The following TTLL5 variants were observed in gnomAD, a reference collection of about 807,000 sequenced individuals.
The protein encoded by TTLL5 is tubulin tyrosine ligase like 5.
TTLL5 carries 132 observed loss-of-function variants against 168.4 expected under a neutral mutation model. The ratio of observed to expected loss-of-function variants is 0.78; its 90% CI spans 0.68 to 0.91. TTLL5 has a LOEUF of 0.91. TTLL5 is among the 40% of genes least tolerant of loss of function. The pLI, the probability that TTLL5 is intolerant of heterozygous loss-of-function variation, is 0.00. For synonymous variants in TTLL5, 546 were observed against 558.6 expected, an observed-to-expected ratio of 0.98 and a Z score of 0.32; for missense variants, 1,545 against 1,581.5, an observed-to-expected ratio of 0.98 and a Z score of 0.39.
intron 28 of TTLL5, among the ~76,000 whole-genome samples, chr14:75,861,521 T>G (rs370369675): frequency 4.7e-4 from 71 of 152,312 alleles, no homozygotes; most frequent in African/African-American, 1.6e-3. Flanking sequence ...TAGCCTCACT[T>G]CAGGGTTCCT....
intron 15 of TTLL5, 33 bp from the exon 16 acceptor site, chr14:75,745,061 AT>A: frequency 3.8e-6 from 6 of 1,581,530 alleles, no homozygotes; most frequent in South Asian, 2.3e-5. Context: ...AACTTAAAAA[AT>A]TTTTTTTACT....
chr14:75,875,655 A>G (rs759788573), intron 29 of TTLL5, among the ~76,000 whole-genome samples: 1 of 152,242 alleles, frequency 6.6e-6, no homozygotes, highest in Non-Finnish European at 1.5e-5. Context: ...GAAGTATAAT[A>G]AACCATAGTA....
At chr14:75,717,422 A>C (rs1797819776) in intron 9 of TTLL5, among the ~76,000 whole-genome samples, 1 of 152,076 alleles carries the variant, frequency 6.6e-6, no homozygotes, top group African/African-American at 2.4e-5. Context: ...GCCAGTTGTT[A>C]TTTCTGGACC....
At chr14:75,684,333 T>A (rs532042654) in intron 5 of TTLL5, 2 of 152,328 alleles carry the variant, frequency 1.3e-5, no homozygotes, top group South Asian at 4.1e-4. Context: ...CTTAGTCTGG[T>A]ATATTGTCCT....
intron 3 of TTLL5, among the ~76,000 whole-genome samples, chr14:75,672,739 G>A (rs186642956): frequency 6.6e-4 from 101 of 152,034 alleles, no homozygotes; most frequent in Middle Eastern, 3.2e-3. Context: ...GGTAGTTTAT[G>A]TGTTTCTAGG....
rs771528588 is a variant in TTLL5, at chr14:75,771,819, A to C, written c.2101A>C (p.Ser701Arg). Residue 701 changes from serine to arginine, a missense_variant, in exon 21 of 32, where the codon AGT (serine) becomes CGT (arginine). By Grantham distance (110) the Ser-to-Arg change is moderately radical (BLOSUM62 -1). Transcript: ENST00000298832. ...GAAAGACAGTGGCGGTCAGACGTTC[A>C]GTGCCAGTTGGGCTGCCAAAGAGGA... ...LMKDSGGQTFSASWAAKEDEQ... is the reference protein window; with the variant it reads ...LMKDSGGQTFRASWAAKEDEQ... The C allele has an allele frequency of 6.2e-7, 1 of 1,614,068 alleles. No individual in the cohort carries two copies. The highest frequency in any genetic ancestry group is 8.5e-7 in the Non-Finnish European group (1 of 1,179,962).
chr14:75,902,575 G>A (rs1293724747), intron 31 of TTLL5: 1 of 471,604 alleles, frequency 2.1e-6, no homozygotes, highest in Non-Finnish European at 4.2e-6. Context: ...ACAGCCCTGT[G>A]AGTTTGATCT....
intron 30 of TTLL5, among the ~76,000 whole-genome samples, chr14:75,898,802 A>G (rs1454316178): frequency 2.0e-5 from 3 of 152,214 alleles, no homozygotes; most frequent in East Asian, 1.9e-4. Flanking sequence ...TAACCTGTCA[A>G]TCTCAAATGT....
chr14:75,813,857 A>G (rs1894218339), intron 27 of TTLL5, among the ~76,000 whole-genome samples: 1 of 151,340 alleles, frequency 6.6e-6, no homozygotes, highest in South Asian at 2.1e-4. Flanking sequence ...ATAGGTTTTC[A>G]ACTATCTCCT....
intron 28 of TTLL5, among the ~76,000 whole-genome samples, chr14:75,835,067 CCAAACAAACAAACAAA>C (rs148388203): frequency 1.3e-5 from 2 of 151,978 alleles, no homozygotes; most frequent in African/African-American, 4.8e-5. Flanking sequence ...GACCCTGTCT[CCAAACAAACAAACAAA>C]CAAACAAACA....
chr14:75,664,936 G>A lies in TTLL5; in HGVS notation c.74+1713G>A, dbSNP rs12588000. On this transcript the variant is annotated intron_variant, in intron 2 of 31. Transcript: ENST00000298832. Reference sequence around the variant, plus strand: ...CTATATGAAACTGCCATTTTGGTAGGTCAGAAACAGTCAAATACTGACGAT... The same window carrying A: ...CTATATGAAACTGCCATTTTGGTAGATCAGAAACAGTCAAATACTGACGAT... Among the ~76,000 whole-genome samples, 692 of 152,278 alleles carry A rather than the reference G, an allele frequency of 4.5e-3. 3 individuals are homozygous for A. The highest frequency in any genetic ancestry group is 0.01 in the East Asian group (53 of 5,194).
intron 15 of TTLL5, chr14:75,737,444 C>G: frequency 1.1e-6 from 1 of 933,834 alleles, no homozygotes; most frequent in Non-Finnish European, 1.6e-6. Flanking sequence ...GTGTAGGGCT[C>G]TTGCTTTTGG....
At chr14:75,948,092 A>G (rs1419293359) in intron 31 of TTLL5, among the ~76,000 whole-genome samples, 2 of 152,210 alleles carry the variant, frequency 1.3e-5, no homozygotes, top group Admixed American at 6.5e-5. Context: ...GCCTTAAATC[A>G]CATTTCAAAC....
intron 20 of TTLL5, among the ~76,000 whole-genome samples, chr14:75,771,224 C>T (rs1157277635): frequency 6.6e-6 from 1 of 152,014 alleles, no homozygotes; most frequent in Non-Finnish European, 1.5e-5. Flanking sequence ...GCCAGGAGTT[C>T]GAGACCAGCC....
At chr14:75,735,842 C>T (rs1196069278) in intron 15 of TTLL5, among the ~76,000 whole-genome samples, 1 of 152,140 alleles carries the variant, frequency 6.6e-6, no homozygotes, top group African/African-American at 2.4e-5. Flanking sequence ...CATTTTTGTT[C>T]CAGTTAAACC....
rs369123219 is a variant in TTLL5 at position 75,699,298 on chromosome 14, T to C, written c.585+28T>C. 3.2e-6 allele frequency: 5 copies of C among 1,577,296 alleles called. No individual in the cohort carries two copies. The African/African-American group carries it at 6.7e-5, about 21-fold the overall frequency. On this transcript the variant is annotated intron_variant, in intron 7 of 31. Coordinates refer to ENST00000298832, the MANE Select transcript of TTLL5 (RefSeq NM_015072.5). ...AAGTATGCAGCAGATGGCAAACCTC[T>C]CTCCTCACTTGTTCTTTCCTCCTTC...
At chr14:75,923,097 T>TTTTATTC (rs1221595990) in intron 31 of TTLL5, among the ~76,000 whole-genome samples, 1 of 152,228 alleles carries the variant, frequency 6.6e-6, no homozygotes, top group Non-Finnish European at 1.5e-5. Flanking sequence ...GTCTTCTCTG[T>TTTTATTC]TTTATTCTTT....
chr14:75,730,514 G>A (rs1343263438), intron 12 of TTLL5, among the ~76,000 whole-genome samples: 1 of 152,156 alleles, frequency 6.6e-6, no homozygotes, highest in Non-Finnish European at 1.5e-5. Flanking sequence ...TAATTACTAT[G>A]GAAGCCAACT....
chr14:75,844,493 T>C (rs746793431), intron 28 of TTLL5, among the ~76,000 whole-genome samples: 5 of 152,214 alleles, frequency 3.3e-5, no homozygotes, highest in Non-Finnish European at 7.3e-5. Flanking sequence ...TCATTATAAT[T>C]GTGGAGACAT....
Sources: allele counts gnomAD v4.1 joint callset (sites outside exome capture counted in the v4.1 genomes callset), GRCh38; gene constraint gnomAD v4.1.1; transcripts MANE v1.5; gene names NCBI Gene and HGNC (gene_info 2026-07-23, HGNC 2026-07-21).